SHTN1: variants seen among roughly 807,000 people sequenced by gnomAD.
The protein encoded by SHTN1 is shootin-1.
In SHTN1, 42 loss-of-function variants were observed where a neutral mutation model predicts 83.1. The observed-to-expected ratio is 0.51, with a 90% CI of 0.39 to 0.65. The LOEUF (loss-of-function observed/expected upper bound fraction) is 0.65. Ranked by LOEUF, SHTN1 falls within the 30% of genes least tolerant of loss-of-function variation. The pLI, the probability that SHTN1 is intolerant of heterozygous loss-of-function variation, is 0.00. For synonymous variants in SHTN1, 224 were observed against 247.7 expected (o/e 0.90, Z 0.90); for missense variants, 622 against 737.8 (o/e 0.84, Z 1.82).
At chr10:117,029,975 G>A (rs893838970) in intron 2 of SHTN1, among the ~76,000 whole-genome samples, 8 of 145,288 alleles carry the variant, frequency 5.5e-5, no homozygotes, top group South Asian at 4.5e-4. Flanking sequence ...TGCAACCTCC[G>A]CCTCCCAGGT....
At chr10:117,053,757 G>A (rs1452608438) in intron 1 of SHTN1, among the ~76,000 whole-genome samples, 25 of 152,100 alleles carry the variant, frequency 1.6e-4, no homozygotes, top group Admixed American at 1.6e-3. Context: ...ACTCCTAAGT[G>A]TATACCCACA....
chr10:117,090,491 T>C (rs1475271979), intron 1 of SHTN1, among the ~76,000 whole-genome samples: 4 of 152,212 alleles, frequency 2.6e-5, no homozygotes, highest in African/African-American at 9.6e-5. Context: ...TTCACAATAA[T>C]GTGAATACAC....
chr10:116,998,381 T>A (rs1490755569), intron 1 of SHTN1, among the ~76,000 whole-genome samples: 1 of 152,156 alleles, frequency 6.6e-6, no homozygotes, highest in Non-Finnish European at 1.5e-5. Context: ...ATGGTCAACA[T>A]GGTATGAAAA....
At chr10:117,025,224 C>A (rs1333825555) in intron 2 of SHTN1, among the ~76,000 whole-genome samples, 1 of 152,168 alleles carries the variant, frequency 6.6e-6, no homozygotes, top group African/African-American at 2.4e-5. Context: ...CCCCTGGCAG[C>A]AGAGGTGTGG....
At chr10:117,019,279 G>A (rs1285717065) in intron 2 of SHTN1, among the ~76,000 whole-genome samples, 1 of 151,904 alleles carries the variant, frequency 6.6e-6, no homozygotes, top group African/African-American at 2.4e-5. Context: ...AACCTCCTGG[G>A]CTCAAGTGAT....
intron 1 of SHTN1, among the ~76,000 whole-genome samples, chr10:117,103,992 A>G (rs1210548722): frequency 2.6e-5 from 4 of 152,158 alleles, no homozygotes; most frequent in African/African-American, 4.8e-5. Flanking sequence ...AAATTCCTCA[A>G]TTGCCTCATT....
intron 1 of SHTN1, among the ~76,000 whole-genome samples, chr10:117,081,123 G>C (rs1453357201): frequency 7.4e-4 from 110 of 149,000 alleles, no homozygotes; most frequent in African/African-American, 2.3e-3. Context: ...AGTTTTCAAA[G>C]GGAATGCTTC....
chr10:117,100,528 G>GT (rs1321388312), intron 1 of SHTN1, among the ~76,000 whole-genome samples: 5 of 152,042 alleles, frequency 3.3e-5, no homozygotes, highest in Admixed American at 6.5e-5. Flanking sequence ...ATTTTTTAAT[G>GT]TTTTTTTAAG....
intron 13 of SHTN1, among the ~76,000 whole-genome samples, 160 bp downstream of exon 13, chr10:116,915,215 T>A (rs1848343108): frequency 6.6e-6 from 1 of 152,260 alleles, no homozygotes; most frequent in African/African-American, 2.4e-5. Flanking sequence ...CCATGGGTCC[T>A]CCTGAAACAT....
chr10:116,990,103 C>T (rs938750709), intron 1 of SHTN1, among the ~76,000 whole-genome samples: 1 of 151,962 alleles, frequency 6.6e-6, no homozygotes, highest in Non-Finnish European at 1.5e-5. Context: ...AAAATTTTTC[C>T]TTGTTCCTTC....
Position 117,005,108 on chromosome 10 carries a change from GA to G in SHTN1, c.-30del, listed in dbSNP as rs750613278. Reference sequence around the variant, plus strand: ...GGCGGGTGGGGCCGGGAATAAAAGGGAAAGAGGGAGCGGCGCGGGGCACACA... The same window carrying G: ...GGCGGGTGGGGCCGGGAATAAAAGGGAAGAGGGAGCGGCGCGGGGCACACA... On this transcript the variant is annotated 5_prime_UTR_variant, in exon 1 of 17. Transcript: ENST00000355371. 1 of 1,579,780 alleles carries G rather than the reference GA, an allele frequency of 6.3e-7. No individual in the cohort carries two copies. The highest frequency in any genetic ancestry group is 8.6e-7 in the Non-Finnish European group (1 of 1,162,540).
intron 1 of SHTN1, among the ~76,000 whole-genome samples, chr10:117,125,961 G>A (rs1386332083): frequency 6.6e-6 from 1 of 152,172 alleles, no homozygotes; most frequent in Non-Finnish European, 1.5e-5. Flanking sequence ...GCAAGGGAAG[G>A]AAACCAAAAC....
At chr10:116,944,233 T>C (rs1241965231) in intron 8 of SHTN1, among the ~76,000 whole-genome samples, 2 of 152,230 alleles carry the variant, frequency 1.3e-5, no homozygotes, top group East Asian at 1.9e-4. Flanking sequence ...AGTTGGACTT[T>C]CCATCACAAG....
At chr10:116,995,274 C>G (rs1196541461) in intron 1 of SHTN1, among the ~76,000 whole-genome samples, 1 of 152,104 alleles carries the variant, frequency 6.6e-6, no homozygotes, top group African/African-American at 2.4e-5. Context: ...GTACAGGTCT[C>G]TGATAACTTT....
At chr10:117,004,973 C>A in intron 1 of SHTN1, 49 bp downstream of exon 1, 1 of 1,543,490 alleles carries the variant, frequency 6.5e-7, no homozygotes, top group East Asian at 2.4e-5. Flanking sequence ...GGGGCCGTCC[C>A]CGCCCACGGG....
chr10:117,096,049 T>C (rs1033304543), intron 1 of SHTN1, among the ~76,000 whole-genome samples: 1 of 152,234 alleles, frequency 6.6e-6, no homozygotes, highest in Non-Finnish European at 1.5e-5. Context: ...ACTGCATCTC[T>C]ATTTAAGACT....
At chr10:116,986,063 T>C (rs951179671) in intron 1 of SHTN1, among the ~76,000 whole-genome samples, 3 of 152,210 alleles carry the variant, frequency 2.0e-5, no homozygotes, top group African/African-American at 2.4e-5. Flanking sequence ...AATAAATTAA[T>C]GATACTTAAG....
Position 117,043,925 on chromosome 10 carries a change from G to T in SHTN1, c.-123+4520C>A, listed in dbSNP as rs1852624380. The stretch of plus-strand genomic sequence containing the variant: ...GAAAATAAAATATAAAATGAGAATT[G>T]TATATATGGAAAAGAATGTGCAATA... On this transcript the variant is annotated intron_variant, in intron 2 of 17. Transcript: ENST00000392901. 5.3e-5 allele frequency among the ~76,000 whole-genome samples: 8 copies of T among 152,148 alleles called. No individual in the cohort carries two copies. The South Asian group carries it at 1.7e-3, about 32-fold the overall frequency.
intron 16 of SHTN1, among the ~76,000 whole-genome samples, chr10:116,888,347 T>C (rs1325170756): frequency 2.0e-5 from 3 of 152,176 alleles, no homozygotes; most frequent in South Asian, 2.1e-4. Flanking sequence ...AAGCCTGTGA[T>C]GGGAGAAGCA....
Sources: allele counts gnomAD v4.1 joint callset (sites outside exome capture counted in the v4.1 genomes callset), GRCh38; gene constraint gnomAD v4.1.1; transcripts MANE v1.5; gene names NCBI Gene and HGNC (gene_info 2026-07-23, HGNC 2026-07-21).